Variants in CPNE3 observed in about 807,000 individuals in gnomAD.
CPNE3 encodes copine 3, also known as copine-3.
CPNE3 carries 68 observed loss-of-function variants against 63.9 expected under a neutral mutation model. The ratio of observed to expected loss-of-function variants is 1.06; its 90% confidence interval spans 0.87 to 1.30. CPNE3 has a LOEUF of 1.30. Among genes scored for constraint, CPNE3 ranks in the 50% most tolerant of loss-of-function variants. CPNE3 has a pLI of 0.00. For missense variants in CPNE3, 665 were observed against 578.1 expected (o/e 1.15, Z -1.54); for synonymous variants, 219 against 197.5 (o/e 1.11, Z -0.91).
chr8:86,536,688 C>T (rs1820810177), intron 6 of CPNE3, among the ~76,000 whole-genome samples: 1 of 152,118 alleles, frequency 6.6e-6, no homozygotes, highest in African/African-American at 2.4e-5. Context: ...TAACAAATGT[C>T]CTTTCATTTT....
chr8:86,548,436 T>A lies in CPNE3; in HGVS notation c.1013+2T>A, dbSNP rs934888985. ...ACTGGTCATTCAAGATTATGATGCG[T>A]GAGTATGACTTTGGAAAAACTAAAA... On this transcript the variant is annotated splice_donor_variant, in intron 12 of 16. Coordinates refer to ENST00000517490, the MANE Select transcript of CPNE3 (RefSeq NM_003909.5). LOFTEE classifies it high-confidence loss of function. The A allele has an allele frequency of 6.2e-7, 1 of 1,612,832 alleles. No individual in the cohort carries two copies. The highest frequency in any genetic ancestry group is 8.5e-7 in the Non-Finnish European group (1 of 1,179,746).
Position 86,552,837 on chromosome 8 carries a change from ATTTTTT to A in CPNE3, c.1120+1616_1120+1621del, listed in dbSNP as rs531932518. ...TGTGAAGAAATTATTATTATTATTA[ATTTTTT>A]TTTTTTTTTTTTCGAGACGAAGTCT... On this transcript the variant is annotated intron_variant, in intron 14 of 16. Transcript: ENST00000517490. 2.6e-5 allele frequency among the ~76,000 whole-genome samples: 3 copies of A among 116,482 alleles called. No homozygotes were observed. In the Admixed American group the frequency reaches 3.0e-4, roughly 12 times the overall value. The allele number at this position is 116,482 out of a possible 152,430, so 76.4% of individuals were successfully genotyped here.
At chr8:86,542,785 C>T (rs1015733379) in intron 8 of CPNE3, among the ~76,000 whole-genome samples, 1 of 151,876 alleles carries the variant, frequency 6.6e-6, no homozygotes, top group South Asian at 2.1e-4. Context: ...TGTCTGCCTT[C>T]AAGGGGACAA....
At chr8:86,545,217 G>C (rs1037260743) in intron 9 of CPNE3, 2 of 153,828 alleles carry the variant, frequency 1.3e-5, no homozygotes, top group African/African-American at 4.8e-5. Context: ...GAGAGAAGAG[G>C]CAGAGCAATA....
chr8:86,518,079 G>A (rs967545002), intron 2 of CPNE3, among the ~76,000 whole-genome samples: 1 of 152,180 alleles, frequency 6.6e-6, no homozygotes, highest in African/African-American at 2.4e-5. Context: ...GGTTGTTGCT[G>A]CTTTAAACTG....
intron 15 of CPNE3, 41 bp downstream of exon 15, chr8:86,555,025 G>A: frequency 1.2e-6 from 2 of 1,610,894 alleles, no homozygotes; most frequent in Non-Finnish European, 1.7e-6. Flanking sequence ...AATGTGGATT[G>A]GTAGCAGCTC....
chr8:86,542,704 A>G (rs1228512321), intron 8 of CPNE3, among the ~76,000 whole-genome samples: 1 of 152,080 alleles, frequency 6.6e-6, no homozygotes, highest in Non-Finnish European at 1.5e-5. Context: ...TCTTGAAAAG[A>G]GAGAAATTAA....
chr8:86,551,456 A>G, intron 14 of CPNE3: 2 of 468,658 alleles, frequency 4.3e-6, no homozygotes, highest in South Asian at 4.1e-5. Context: ...AATCAGTATT[A>G]TGATGATGAA....
intron 7 of CPNE3, among the ~76,000 whole-genome samples, chr8:86,539,934 G>A (rs1017753631): frequency 5.3e-5 from 8 of 151,976 alleles, no homozygotes; most frequent in Non-Finnish European, 7.4e-5. Context: ...CAAAGTGTGG[G>A]GATTACAGGT....
chr8:86,521,214 A>G (rs1440274198), intron 2 of CPNE3, among the ~76,000 whole-genome samples: 1 of 152,206 alleles, frequency 6.6e-6, no homozygotes. Context: ...GTAGAGACAC[A>G]CTAGCAAGGA....
intron 2 of CPNE3, among the ~76,000 whole-genome samples, chr8:86,523,203 T>A (rs945400829): frequency 5.9e-5 from 9 of 152,232 alleles, no homozygotes. Flanking sequence ...TTTTCTCTCT[T>A]AGCCTTATTT....
rs1169873903 is a variant in CPNE3 at position 86,521,757 on chromosome 8, T to C, written c.-11+6258T>C. 4.6e-5 allele frequency: 7 copies of C among 152,308 alleles called. No homozygotes were observed. The East Asian group carries it at 1.3e-3, about 29-fold the overall frequency. The allele number at this position is 152,308 out of a possible 1,614,324, so 9.4% of individuals were successfully genotyped here. A position where few individuals can be genotyped will look rare whatever the true frequency, so the allele number is the denominator to read the frequency against. ...TTTGAAGAAATTTATATTTTTTTCCTAATATATACTATGCATTATTTTGAA... is the reference window on the plus strand; with the variant it reads ...TTTGAAGAAATTTATATTTTTTTCCCAATATATACTATGCATTATTTTGAA... On this transcript the variant is annotated intron_variant, in intron 2 of 16. Coordinates refer to ENST00000517490, the MANE Select transcript of CPNE3 (RefSeq NM_003909.5).
chr8:86,515,004 A>T (rs921144558), intron 1 of CPNE3: 5 of 152,306 alleles, frequency 3.3e-5, no homozygotes, highest in African/African-American at 1.2e-4. Flanking sequence ...TGGTGAAGCC[A>T]ATGCCCAGTT....
rs1821393701 is a variant in CPNE3, at chr8:86,559,610, G to C, written c.*1200G>C. The C allele has an allele frequency of 1.3e-5, 2 of 151,092 alleles. No individual in the cohort carries two copies. The highest frequency in any genetic ancestry group is 4.9e-5 in the African/African-American group (2 of 41,130). 9.4% of individuals were successfully genotyped at this position (151,092 alleles called of 1,614,324 possible). ...AAAAAAGAAAACTTTTCCAACTGCT[G>C]CATTAAGATAGGGTGGATTTTATGT... On this transcript the variant is annotated 3_prime_UTR_variant, in exon 17 of 17. Coordinates refer to ENST00000517490, the MANE Select transcript of CPNE3 (RefSeq NM_003909.5).
rs1821394762 is a variant in CPNE3, at chr8:86,559,646, T to C, written c.*1236T>C. 6.6e-6 allele frequency: 1 copy of C among 152,156 alleles called. No individual in the cohort carries two copies. Among genetic ancestry groups the C allele is most frequent in the African/African-American group, 2.4e-5 (1 of 41,450 alleles). 9.4% of individuals were successfully genotyped at this position (152,156 alleles called of 1,614,324 possible). A position where few individuals can be genotyped will look rare whatever the true frequency, so the allele number is the denominator to read the frequency against. ...GGGTGGATTTTATGTGCTTTTTTTT[T>C]TTAAGAGTTGAATTTCTTTTCCTGA... On this transcript the variant is annotated 3_prime_UTR_variant, in exon 17 of 17. Coordinates refer to ENST00000517490, the MANE Select transcript of CPNE3 (RefSeq NM_003909.5).
chr8:86,533,522 C>G lies in CPNE3; in HGVS notation c.459+942C>G, dbSNP rs186414978. On this transcript the variant is annotated intron_variant, in intron 6 of 16. Coordinates refer to ENST00000517490, the MANE Select transcript of CPNE3 (RefSeq NM_003909.5). ...CCTGTGTAATGGAACAAGACTCTGT[C>G]TCAAGTAAAAACAAAAACAACAACA... Among the ~76,000 whole-genome samples, 23 of 151,778 alleles carry G rather than the reference C, an allele frequency of 1.5e-4. No individual in the cohort carries two copies. In the East Asian group the frequency reaches 4.3e-3, roughly 28 times the overall value.
intron 2 of CPNE3, among the ~76,000 whole-genome samples, chr8:86,517,437 T>A (rs1404456573): frequency 6.6e-6 from 1 of 152,234 alleles, no homozygotes; most frequent in Non-Finnish European, 1.5e-5. Context: ...TCACCTTCCC[T>A]GGCTTTTAGT....
intron 8 of CPNE3, among the ~76,000 whole-genome samples, chr8:86,540,826 G>T (rs1016071960): frequency 6.6e-6 from 1 of 151,982 alleles, no homozygotes; most frequent in African/African-American, 2.4e-5. Context: ...CTTTTAGAAG[G>T]CTTTAGTTTT....
At chr8:86,551,268 G>A in intron 14 of CPNE3, 34 bp downstream of exon 14, 1 of 1,384,420 alleles carries the variant, frequency 7.2e-7, no homozygotes, top group Non-Finnish European at 1.0e-6. Flanking sequence ...GACTTCAAAT[G>A]GAAAGGCTCA....
Sources: gnomAD v4.1 joint callset for allele counts (sites outside exome capture counted in the v4.1 genomes callset) on GRCh38, gnomAD v4.1.1 for gene constraint, MANE v1.5 for transcripts, NCBI Gene and HGNC (gene_info 2026-07-23, HGNC 2026-07-21) for gene names.